The following CDH18 variants were observed in gnomAD, a reference collection of about 807,000 sequenced individuals.
CDH18 encodes the protein cadherin 18.
In CDH18, 31 loss-of-function variants were observed where a neutral mutation model predicts 67.9. The observed-to-expected ratio is 0.46, with a 90% CI of 0.34 to 0.62. The LOEUF is 0.62. Among genes scored for constraint, CDH18 ranks in the 20% least tolerant of loss-of-function variants. The probability of loss-of-function intolerance (pLI) is 0.01; values close to 1 mark genes in which losing one functional copy is unlikely to be tolerated. For missense variants in CDH18, 890 were observed against 975.5 expected (o/e 0.91, Z 1.17); for synonymous variants, 362 against 347.2 (o/e 1.04, Z -0.48).
At chr5:20,404,475 C>T (rs746918976) in intron 1 of CDH18, among the ~76,000 whole-genome samples, 3 of 152,004 alleles carry the variant, frequency 2.0e-5, no homozygotes, top group Non-Finnish European at 4.4e-5. Context: ...ACTTAGAGGC[C>T]ATTACACAAT....
chr5:20,351,831 A>G (rs1381566010), intron 1 of CDH18, among the ~76,000 whole-genome samples: 4 of 152,116 alleles, frequency 2.6e-5, no homozygotes, highest in East Asian at 1.9e-4. Flanking sequence ...ACTTTTCGGT[A>G]TTGCTTTTGC....
At chr5:20,354,923 T>G (rs6870586) in intron 1 of CDH18, among the ~76,000 whole-genome samples, 25,397 of 152,074 alleles carry the variant, frequency 0.17, 2,279 homozygotes, top group African/African-American at 0.19. Context: ...ATGAAAGGTA[T>G]GCTTCCAATA....
intron 1 of CDH18, among the ~76,000 whole-genome samples, chr5:20,432,838 G>A (rs970235786): frequency 6.6e-6 from 1 of 150,486 alleles, no homozygotes; most frequent in Non-Finnish European, 1.5e-5. Context: ...TGTAAATTGG[G>A]GAAGAAAACA....
chr5:19,788,268 T>C (rs1318448404), intron 3 of CDH18, among the ~76,000 whole-genome samples: 1 of 152,170 alleles, frequency 6.6e-6, no homozygotes, highest in Non-Finnish European at 1.5e-5. Context: ...CTTTTCAAGA[T>C]GGTAATGATG....
At chr5:19,590,803 C>A (rs1272660313) in intron 7 of CDH18, among the ~76,000 whole-genome samples, 4 of 152,014 alleles carry the variant, frequency 2.6e-5, no homozygotes, top group Admixed American at 1.3e-4. Flanking sequence ...AGAGCAGAGA[C>A]AAAATGAACA....
At chr5:20,481,535 G>A (rs2074847260) in intron 1 of CDH18, among the ~76,000 whole-genome samples, 1 of 152,044 alleles carries the variant, frequency 6.6e-6, no homozygotes, top group African/African-American at 2.4e-5. Flanking sequence ...CAGCACACAG[G>A]TTATTCTCAA....
chr5:20,084,584 C>T (rs1289827908), intron 2 of CDH18, among the ~76,000 whole-genome samples: 1 of 152,182 alleles, frequency 6.6e-6, no homozygotes, highest in Non-Finnish European at 1.5e-5. Context: ...TCTGCACTGC[C>T]CTAGTGGAGG....
chr5:19,595,100 C>T (rs1481812855), intron 6 of CDH18, among the ~76,000 whole-genome samples: 2 of 151,888 alleles, frequency 1.3e-5, no homozygotes, highest in African/African-American at 2.4e-5. Context: ...AAGTTGCAGA[C>T]ATAAAATCAA....
chr5:20,087,769 G>C (rs571514683), intron 2 of CDH18, among the ~76,000 whole-genome samples: 1 of 152,230 alleles, frequency 6.6e-6, no homozygotes, highest in South Asian at 2.1e-4. Flanking sequence ...ATCTTGGTAA[G>C]ACAAATAATT....
chr5:20,253,788 A>G (rs1744033507), intron 2 of CDH18, among the ~76,000 whole-genome samples: 1 of 152,190 alleles, frequency 6.6e-6, no homozygotes, highest in South Asian at 2.1e-4. Context: ...CATTCCTGAG[A>G]GTGAAGGGGA....
chr5:19,616,636 C>T (rs979982841), intron 5 of CDH18, among the ~76,000 whole-genome samples: 1 of 152,002 alleles, frequency 6.6e-6, no homozygotes, highest in African/African-American at 2.4e-5. Flanking sequence ...TATTTCAGTC[C>T]CCAGAAATTT....
rs372160489 is a variant in CDH18 at position 19,493,035 on chromosome 5, C to A, written c.1631-9483G>T. ...TAGATTTTTCCAACCAAGTAATTGA[C>A]GCTGCATTCTGTCATCTCTATGTTG... On this transcript the variant is annotated intron_variant, in intron 11 of 12. Coordinates refer to ENST00000382275, the MANE Select transcript of CDH18 (RefSeq NM_004934.5). Among the ~76,000 whole-genome samples the A allele has an allele frequency of 4.5e-4, 68 of 152,236 alleles. No individual in the cohort carries two copies. The South Asian group carries it at 0.013, about 29-fold the overall frequency.
At chr5:20,160,917 A>T (rs887885551) in intron 2 of CDH18, among the ~76,000 whole-genome samples, 3 of 152,264 alleles carry the variant, frequency 2.0e-5, no homozygotes, top group Non-Finnish European at 2.9e-5. Context: ...TTATAAAAAA[A>T]GAATAACTTG....
chr5:20,333,463 A>G (rs1304204260), intron 1 of CDH18, among the ~76,000 whole-genome samples: 1 of 149,398 alleles, frequency 6.7e-6, no homozygotes, highest in Non-Finnish European at 1.5e-5. Flanking sequence ...GCTGAGGTCG[A>G]GCCACTGCAC....
intron 4 of CDH18, among the ~76,000 whole-genome samples, chr5:19,735,283 T>C (rs537908141): frequency 2.0e-5 from 3 of 152,328 alleles, no homozygotes; most frequent in South Asian, 2.1e-4. Flanking sequence ...CAGTGTATTT[T>C]TAGTTATAAA....
At chr5:20,430,936 T>C (rs1748686968) in intron 1 of CDH18, among the ~76,000 whole-genome samples, 1 of 152,198 alleles carries the variant, frequency 6.6e-6, no homozygotes, top group Non-Finnish European at 1.5e-5. Context: ...TACGAAAATG[T>C]TTTCTAAAGA....
At chr5:20,295,340 A>G (rs759916750) in intron 1 of CDH18, among the ~76,000 whole-genome samples, 12 of 152,194 alleles carry the variant, frequency 7.9e-5, no homozygotes, top group Admixed American at 1.3e-4. Flanking sequence ...TTTTGATAGG[A>G]AGAAAGGCAG....
At chr5:19,725,072 G>A (rs1412851166) in intron 4 of CDH18, among the ~76,000 whole-genome samples, 4 of 151,786 alleles carry the variant, frequency 2.6e-5, no homozygotes, top group East Asian at 2.0e-4. Flanking sequence ...GACTACAGGC[G>A]CCCGCCACCA....
intron 2 of CDH18, among the ~76,000 whole-genome samples, chr5:20,226,079 A>G (rs1008938911): frequency 1.3e-5 from 2 of 152,088 alleles, no homozygotes. Context: ...GACACCTGGT[A>G]TCAACAAGAA....
Sources: allele counts gnomAD v4.1 joint callset (sites outside exome capture counted in the v4.1 genomes callset), GRCh38; gene constraint gnomAD v4.1.1; transcripts MANE v1.5; gene names NCBI Gene and HGNC (gene_info 2026-07-23, HGNC 2026-07-21).